The following ZNF821 variants were observed in gnomAD, a reference collection of about 807,000 sequenced individuals.
ZNF821 encodes the protein zinc finger protein 821.
ZNF821 carries 16 observed loss-of-function variants against 44.3 expected under a neutral mutation model. The ratio of observed to expected loss-of-function variants is 0.36; its 90% CI spans 0.24 to 0.55. The LOEUF (loss-of-function observed/expected upper bound fraction) is 0.55. Among genes scored for constraint, ZNF821 ranks in the 20% least tolerant of loss-of-function variants. The pLI, the probability that ZNF821 is intolerant of heterozygous loss-of-function variation, is 0.86. For synonymous variants in ZNF821, 204 were observed against 197.6 expected, an observed-to-expected ratio of 1.03 and a Z score of -0.27; for missense variants, 436 against 547.6, an observed-to-expected ratio of 0.80 and a Z score of 2.03.
chr16:71,888,648 C>T (rs1340263803), upstream of ZNF821, among the ~76,000 whole-genome samples: 1 of 152,020 alleles, frequency 6.6e-6, no homozygotes, highest in East Asian at 1.9e-4. Context: ...ATCCTTATGC[C>T]ACTATCATAC....
chr16:71,889,791 T>A (rs979023370), upstream of ZNF821, among the ~76,000 whole-genome samples: 2 of 151,986 alleles, frequency 1.3e-5, no homozygotes, highest in African/African-American at 4.8e-5. Context: ...CTCTACCAAA[T>A]AAATATAAGA....
intron 3 of ZNF821, among the ~76,000 whole-genome samples, chr16:71,875,303 A>G (rs2035673944): frequency 6.6e-6 from 1 of 151,576 alleles, no homozygotes; most frequent in African/African-American, 2.4e-5. Context: ...TTTTTTTGAG[A>G]TGGAGTCTCA....
chr16:71,862,071 T>A, intron 6 of ZNF821, 129 bp from the exon 7 acceptor site: 1 of 1,097,456 alleles, frequency 9.1e-7, no homozygotes. Context: ...AGTATTCTGT[T>A]TAGCCCCTAG....
rs752424996 is a variant in ZNF821 at position 71,868,002 on chromosome 16, G to A, written c.76C>T (p.Arg26Cys). Reference protein sequence around the residue: ...QVFAGLEEQARQAMMKTDFPG... With the variant: ...QVFAGLEEQACQAMMKTDFPG... ...AAATCAGTTTTCATCATCGCCTGGCGGGCTTGCTCTTCTAGCCCAGCAAAT... is the reference window on the plus strand; with the variant it reads ...AAATCAGTTTTCATCATCGCCTGGCAGGCTTGCTCTTCTAGCCCAGCAAAT... The change falls in exon 4 of 8, where the codon CGC (arginine) becomes TGC (cysteine). Residue 26 changes from arginine (R) to cysteine (C), a missense_variant. Arg to Cys is a radical substitution (Grantham distance 180). Coordinates refer to ENST00000425432, the MANE Select transcript of ZNF821 (RefSeq NM_001201552.2). The A allele has an allele frequency of 2.0e-5, 30 of 1,535,708 alleles. No homozygotes were observed. The South Asian group carries it at 2.1e-4, about 11-fold the overall frequency.
intron 6 of ZNF821, among the ~76,000 whole-genome samples, chr16:71,863,156 A>C (rs560917642): frequency 6.6e-6 from 1 of 152,196 alleles, no homozygotes; most frequent in Non-Finnish European, 1.5e-5. Context: ...TTGGCCTCCC[A>C]AGGTGCTGGG....
chr16:71,878,695 C>T (rs561372037), intron 3 of ZNF821, among the ~76,000 whole-genome samples: 9 of 152,030 alleles, frequency 5.9e-5, no homozygotes, highest in African/African-American at 1.9e-4. Flanking sequence ...TTTGGGAGCC[C>T]GAGGTGGCCA....
chr16:71,870,310 A>C (rs914519264), intron 3 of ZNF821, among the ~76,000 whole-genome samples: 4 of 151,988 alleles, frequency 2.6e-5, no homozygotes, highest in Admixed American at 2.0e-4. Flanking sequence ...AGCTGTTTTA[A>C]GTCCATCTTC....
At chr16:71,892,835 A>G (rs1288877889) in intron 1 of ZNF821, among the ~76,000 whole-genome samples, 1 of 146,342 alleles carries the variant, frequency 6.8e-6, no homozygotes, top group Non-Finnish European at 1.5e-5. Context: ...GGTTCAAGCG[A>G]TTCTTCTGCC....
At chr16:71,889,532 G>C (rs1453623173), upstream of ZNF821, among the ~76,000 whole-genome samples, 2 of 152,084 alleles carry the variant, frequency 1.3e-5, no homozygotes, top group African/African-American at 2.4e-5. Flanking sequence ...AATTAGCCGG[G>C]TGTGGTGGTG....
intron 4 of ZNF821, among the ~76,000 whole-genome samples, chr16:71,866,874 T>C (rs2034602632): frequency 6.6e-6 from 1 of 152,230 alleles, no homozygotes; most frequent in African/African-American, 2.4e-5. Context: ...CTCTCCATTT[T>C]CACCCAACCC....
chr16:71,889,977 AAAAC>A (rs1170999118), intron 1 of ZNF821, among the ~76,000 whole-genome samples: 8 of 152,208 alleles, frequency 5.3e-5, no homozygotes, highest in Non-Finnish European at 8.8e-5. Context: ...AACAAAAACA[AAAAC>A]AAAAAAATGA....
chr16:71,865,511 C>T (rs2034436476), intron 4 of ZNF821, among the ~76,000 whole-genome samples: 1 of 152,176 alleles, frequency 6.6e-6, no homozygotes, highest in Admixed American at 6.5e-5. Flanking sequence ...TCTTCTTTCC[C>T]AGCAAACCTC....
chr16:71,871,119 C>A (rs946249956), intron 3 of ZNF821, among the ~76,000 whole-genome samples: 1 of 152,084 alleles, frequency 6.6e-6, no homozygotes, highest in Non-Finnish European at 1.5e-5. Context: ...TTGATGTTGT[C>A]TAAATATTGA....
At chr16:71,875,456 C>CTT (rs34382171) in intron 3 of ZNF821, among the ~76,000 whole-genome samples, 40 of 133,928 alleles carry the variant, frequency 3.0e-4, no homozygotes, top group Non-Finnish European at 4.8e-4. Context: ...TAATTTTTTT[C>CTT]TTTTTTTTTT....
chr16:71,860,529 G>A lies in ZNF821; in HGVS notation c.728C>T (p.Ala243Val). Residue 243 changes from alanine (A) to valine (V), a missense_variant, in exon 8 of 8, where the codon GCC becomes GTC. Physicochemically the swap from Ala to Val is moderately conservative, Grantham distance 64 (BLOSUM62 0). Coordinates refer to ENST00000425432, the MANE Select transcript of ZNF821 (RefSeq NM_001201552.2). This position sits in a 1 kb window ranked among gnomAD's most constrained non-coding sequence, Gnocchi z 7.3. ...CTGGGCTTCCAGCAGTTTACGGTAGGCAGCACAGTTGTTGCACACAAGCAG... is the reference window on the plus strand; with the variant it reads ...CTGGGCTTCCAGCAGTTTACGGTAGACAGCACAGTTGTTGCACACAAGCAG... ...GILLVCNNCAAYRKLLEAQTP... is the reference protein window; with the variant it reads ...GILLVCNNCAVYRKLLEAQTP... 6.2e-7 allele frequency: 1 copy of A among 1,614,144 alleles called. No homozygotes were observed. The highest frequency in any genetic ancestry group is 8.5e-7 in the Non-Finnish European group (1 of 1,180,026).
chr16:71,888,830 T>A (rs1369081240), upstream of ZNF821, among the ~76,000 whole-genome samples: 3 of 152,204 alleles, frequency 2.0e-5, no homozygotes, highest in African/African-American at 7.2e-5. Flanking sequence ...AATTTTTTGA[T>A]CTTATATATG....
chr16:71,894,980 G>A, exon 1 of ZNF821: 1 of 713,592 alleles, frequency 1.4e-6, no homozygotes, highest in South Asian at 1.7e-5. Context: ...TGGTCCAAAG[G>A]GCAACCGGAC....
chr16:71,861,951 CAG>C lies in ZNF821; in HGVS notation c.418-11_418-10del, dbSNP rs751435583. 1.9e-6 allele frequency: 3 copies of C among 1,613,730 alleles called. No individual in the cohort carries two copies. Among genetic ancestry groups the C allele is most frequent in the Non-Finnish European group, 2.5e-6 (3 of 1,179,624 alleles). Reference sequence around the variant, plus strand: ...ACCACTGCTGCAGTGTGCTGTAAAACAGAGCCTTGATCTGTCAGTCTTGCGCT... The same window carrying C: ...ACCACTGCTGCAGTGTGCTGTAAAACAGCCTTGATCTGTCAGTCTTGCGCT... On this transcript the variant is annotated splice_polypyrimidine_tract_variant and intron_variant, in intron 6 of 7. Transcript: ENST00000425432.
chr16:71,877,026 C>T (rs2142443505), intron 3 of ZNF821, among the ~76,000 whole-genome samples: 1 of 152,326 alleles, frequency 6.6e-6, no homozygotes, highest in East Asian at 1.9e-4. Flanking sequence ...GTAGCCTTTG[C>T]ACACCCCCAT....
Sources: gnomAD v4.1 joint callset for allele counts (sites outside exome capture counted in the v4.1 genomes callset) on GRCh38, gnomAD v4.1.1 for gene constraint, Gnocchi (gnomAD v3.1) non-coding constraint, MANE v1.5 for transcripts, NCBI Gene and HGNC (gene_info 2026-07-23, HGNC 2026-07-21) for gene names.